The following TSPAN5 variants were observed in gnomAD, a reference collection of about 807,000 sequenced individuals.
TSPAN5 encodes the protein tetraspanin 5, also known as tetraspanin-5.
A neutral mutation model predicts 37.1 loss-of-function variants in TSPAN5; 10 were observed. The observed-to-expected ratio is 0.27, with a 90% CI of 0.17 to 0.46. TSPAN5 has a LOEUF of 0.46. Among genes scored for constraint, TSPAN5 ranks in the 20% least tolerant of loss-of-function variants. The probability of loss-of-function intolerance (pLI) is 1.00; values close to 1 mark genes in which losing one functional copy is unlikely to be tolerated. For missense variants in TSPAN5, 195 were observed against 326.6 expected, an observed-to-expected ratio of 0.60 and a Z score of 3.11; for synonymous variants, 110 against 118.9, an observed-to-expected ratio of 0.93 and a Z score of 0.48.
chr4:98,568,859 G>T (rs966054806), intron 1 of TSPAN5, among the ~76,000 whole-genome samples: 5 of 152,214 alleles, frequency 3.3e-5, no homozygotes, highest in African/African-American at 9.6e-5. Flanking sequence ...GGCTTGGTCA[G>T]ATTTGAAAGT....
intron 1 of TSPAN5, among the ~76,000 whole-genome samples, chr4:98,651,908 T>C (rs2110292257): frequency 6.8e-6 from 1 of 146,566 alleles, no homozygotes; most frequent in East Asian, 2.0e-4. Context: ...GGTCTTGTTC[T>C]GTCACCCTGG....
At chr4:98,602,629 T>C (rs945199397) in intron 1 of TSPAN5, among the ~76,000 whole-genome samples, 1 of 152,208 alleles carries the variant, frequency 6.6e-6, no homozygotes, top group African/African-American at 2.4e-5. Context: ...ATTTGAAGTG[T>C]TCTGTTTCCA....
intron 1 of TSPAN5, among the ~76,000 whole-genome samples, chr4:98,579,496 G>A (rs572106065): frequency 6.6e-6 from 1 of 151,334 alleles, no homozygotes; most frequent in Admixed American, 6.6e-5. Context: ...AGAGAGCTGA[G>A]TAAATGAGTG....
At chr4:98,474,736 T>C (rs1048367659) in intron 7 of TSPAN5, among the ~76,000 whole-genome samples, 2 of 152,140 alleles carry the variant, frequency 1.3e-5, no homozygotes, top group Non-Finnish European at 2.9e-5. Context: ...TGCAGTTGCA[T>C]AATCACGACT....
chr4:98,574,653 C>T lies in TSPAN5; in HGVS notation c.82-66925G>A, dbSNP rs114048550. 920 of 152,368 alleles carry T rather than the reference C, an allele frequency of 6.0e-3. 6 individuals are homozygous for T. Among genetic ancestry groups the T allele is most frequent in the Admixed American group, 0.011 (168 of 15,304 alleles). 9.4% of individuals were successfully genotyped at this position (152,368 alleles called of 1,614,324 possible). ...GAGAGACAGACCTGGCTTCCCATCC[C>T]GGCTCATACACTTCTTGCAATCCTG... On this transcript the variant is annotated intron_variant, in intron 1 of 7. Transcript: ENST00000305798.
At chr4:98,559,904 TG>T in intron 1 of TSPAN5, among the ~76,000 whole-genome samples, 1 of 152,252 alleles carries the variant, frequency 6.6e-6, no homozygotes, top group East Asian at 1.9e-4. Flanking sequence ...TGTATTGAGC[TG>T]TTTTTGTGTT....
chr4:98,492,051 T>G (rs1171098855), intron 2 of TSPAN5, among the ~76,000 whole-genome samples: 1 of 152,144 alleles, frequency 6.6e-6, no homozygotes, highest in Non-Finnish European at 1.5e-5. Context: ...CCGCCTCTTC[T>G]GGGAACAGCA....
At chr4:98,632,781 G>C (rs1756775980) in intron 1 of TSPAN5, among the ~76,000 whole-genome samples, 2 of 152,166 alleles carry the variant, frequency 1.3e-5, no homozygotes, top group Non-Finnish European at 1.5e-5. Flanking sequence ...ACTTGACTGG[G>C]GATGGGGAGG....
At chr4:98,607,089 C>A (rs1756055849) in intron 1 of TSPAN5, among the ~76,000 whole-genome samples, 1 of 152,118 alleles carries the variant, frequency 6.6e-6, no homozygotes, top group African/African-American at 2.4e-5. Context: ...CCTCCATTTC[C>A]ATAGCAAAAA....
At chr4:98,631,169 A>G (rs1756737058) in intron 1 of TSPAN5, among the ~76,000 whole-genome samples, 1 of 152,202 alleles carries the variant, frequency 6.6e-6, no homozygotes, top group Admixed American at 6.5e-5. Flanking sequence ...TACTTTGCTG[A>G]ATCGCTCGAC....
chr4:98,571,367 G>A (rs1755114234), intron 1 of TSPAN5, among the ~76,000 whole-genome samples: 1 of 152,012 alleles, frequency 6.6e-6, no homozygotes, highest in South Asian at 2.1e-4. Flanking sequence ...AAGTGCACAG[G>A]GTTACTGCAG....
At chr4:98,540,398 C>T (rs755630018) in intron 1 of TSPAN5, among the ~76,000 whole-genome samples, 4 of 151,852 alleles carry the variant, frequency 2.6e-5, no homozygotes, top group South Asian at 2.1e-4. Flanking sequence ...AGTGCAGTGG[C>T]GCGATCTCGG....
chr4:98,508,522 C>CTT (rs34342433), intron 1 of TSPAN5, among the ~76,000 whole-genome samples: 26 of 121,922 alleles, frequency 2.1e-4, no homozygotes, highest in African/African-American at 4.6e-4. Context: ...TACTGTTTTT[C>CTT]TTTTTTTTTT....
intron 1 of TSPAN5, among the ~76,000 whole-genome samples, chr4:98,518,782 A>G (rs1350399151): frequency 6.6e-6 from 1 of 152,236 alleles, no homozygotes; most frequent in African/African-American, 2.4e-5. Context: ...ACTACATCAG[A>G]AACTCTGGGG....
chr4:98,620,539 T>G (rs1756457467), intron 1 of TSPAN5, among the ~76,000 whole-genome samples: 1 of 152,314 alleles, frequency 6.6e-6, no homozygotes, highest in South Asian at 2.1e-4. Flanking sequence ...TAGAAGTGCT[T>G]TGTCACACAG....
At chr4:98,504,899 C>T (rs1472461610) in intron 2 of TSPAN5, among the ~76,000 whole-genome samples, 1 of 152,136 alleles carries the variant, frequency 6.6e-6, no homozygotes, top group African/African-American at 2.4e-5. Flanking sequence ...ATCTACTTCT[C>T]ATAGTTCTGG....
At chr4:98,577,052 C>T (rs1336776561) in intron 1 of TSPAN5, among the ~76,000 whole-genome samples, 1 of 152,200 alleles carries the variant, frequency 6.6e-6, no homozygotes, top group Non-Finnish European at 1.5e-5. Context: ...TGAGCCACTG[C>T]ACCCGGCCAT....
intron 2 of TSPAN5, among the ~76,000 whole-genome samples, chr4:98,488,665 G>A (rs1011658501): frequency 1.3e-5 from 2 of 152,108 alleles, no homozygotes; most frequent in Non-Finnish European, 2.9e-5. Context: ...TTTACTCCGG[G>A]GGAAAAGGTT....
chr4:98,568,597 GA>G (rs33945433), intron 1 of TSPAN5, among the ~76,000 whole-genome samples: 7,175 of 152,140 alleles, frequency 0.047, 212 homozygotes, highest in East Asian at 0.087. Flanking sequence ...CAGGGAGGCA[GA>G]CAGAGGACCT....
Sources: allele counts gnomAD v4.1 joint callset (sites outside exome capture counted in the v4.1 genomes callset), GRCh38; gene constraint gnomAD v4.1.1; transcripts MANE v1.5; gene names NCBI Gene and HGNC (gene_info 2026-07-23, HGNC 2026-07-21).